Variants in CDC42SE1 observed in about 807,000 individuals in gnomAD.
CDC42SE1 encodes the protein CDC42 small effector 1, also known as CDC42 small effector protein 1.
In CDC42SE1, 10 loss-of-function variants were observed where a neutral mutation model predicts 10.9. The ratio of observed to expected loss-of-function variants is 0.92; its 90% CI spans 0.57 to 1.56. CDC42SE1 has a LOEUF of 1.56. Among genes scored for constraint, CDC42SE1 ranks in the 40% most tolerant of loss-of-function variants. The pLI is 0.00. For missense variants in CDC42SE1, 81 were observed against 100.8 expected (o/e 0.80, Z 0.84); for synonymous variants, 24 against 32.0 (o/e 0.75, Z 0.85).
At chr1:151,054,956 A>G (rs1037127303) in intron 3 of CDC42SE1, 60 bp downstream of exon 3, 7 of 1,256,842 alleles carry the variant, frequency 5.6e-6, no homozygotes, top group South Asian at 2.4e-5. Flanking sequence ...TGAACTTTCA[A>G]AAAGAGGGAA....
Position 151,055,126 on chromosome 1 carries a change from TCTG to T in CDC42SE1, c.55-3_55-1del. The T allele has an allele frequency of 6.2e-7, 1 of 1,608,790 alleles. No homozygotes were observed. The highest frequency in any genetic ancestry group is 2.2e-5 in the East Asian group (1 of 44,794). ...CGGTCAATCCGTCTTCTCTTCTTCT[TCTG>T]CTTGGAGAAGATAAGGAGTCATGTC... On this transcript the variant is annotated splice_acceptor_variant and splice_polypyrimidine_tract_variant and intron_variant, in intron 2 of 4. Coordinates refer to ENST00000357235, the MANE Select transcript of CDC42SE1 (RefSeq NM_020239.4). LOFTEE classifies it high-confidence loss of function.
intron 1 of CDC42SE1, chr1:151,056,635 GCA>G: frequency 6.6e-6 from 1 of 152,238 alleles, no homozygotes; most frequent in East Asian, 1.9e-4. Context: ...CCAGTCAGCA[GCA>G]GTTCCTTTAT....
chr1:151,051,761 G>A lies in CDC42SE1; in HGVS notation c.*1583C>T, dbSNP rs1191074950. The A allele has an allele frequency of 6.6e-6, 1 of 152,624 alleles. No homozygotes were observed. Among genetic ancestry groups the A allele is most frequent in the Non-Finnish European group, 1.5e-5 (1 of 68,062 alleles). 9.5% of individuals were successfully genotyped at this position (152,624 alleles called of 1,614,324 possible). A position where few individuals can be genotyped will look rare whatever the true frequency, so the allele number is the denominator to read the frequency against. ...TCAGACAAAACTCCCTGAGTCTAAT[G>A]TGTGTCTAGGACTAGGGCACAGAAA... is the stretch of plus-strand genomic sequence containing the variant. On this transcript the variant is annotated 3_prime_UTR_variant, in exon 5 of 5. Transcript: ENST00000357235.
At chr1:151,054,406 C>G (rs1478857309) in intron 3 of CDC42SE1, 85 bp from the exon 4 acceptor site, 2 of 1,036,898 alleles carry the variant, frequency 1.9e-6, no homozygotes, top group South Asian at 1.3e-5. Flanking sequence ...AGGGAAGAGG[C>G]TGACGCCATC....
rs1042150548 is a variant in CDC42SE1 at position 151,055,987 on chromosome 1, C to T, written c.-257G>A. 4.5e-5 allele frequency: 24 copies of T among 537,836 alleles called. No homozygotes were observed. Among genetic ancestry groups the T allele is most frequent in the Non-Finnish European group, 6.3e-5 (19 of 299,334 alleles). 33.3% of individuals were successfully genotyped at this position (537,836 alleles called of 1,614,324 possible). On this transcript the variant is annotated 5_prime_UTR_variant, in exon 2 of 5. Transcript: ENST00000357235. ...CACAAGGTTATGTCTTCCTCAGACT[C>T]GGAACCCTGGATTAGAAGAAAGTAA... is the stretch of plus-strand genomic sequence containing the variant.
In CDC42SE1 at chr1:151,057,213, C is replaced by T. The variant is rs1676295431; in HGVS notation, c.-263-1220G>A. 1.3e-5 allele frequency among the ~76,000 whole-genome samples: 2 copies of T among 152,184 alleles called. No individual in the cohort carries two copies. Among genetic ancestry groups the T allele is most frequent in the South Asian group, 4.1e-4 (2 of 4,828 alleles). ...GCCGGGAACCCTGATGCTTTGGCAC[C>T]CTAGACTGATTTAAAAACAAGAGAT... On this transcript the variant is annotated intron_variant, in intron 1 of 4. Coordinates refer to ENST00000357235, the MANE Select transcript of CDC42SE1 (RefSeq NM_020239.4). This position sits in a 1 kb window ranked among gnomAD's most constrained non-coding sequence, Gnocchi z 4.0.
intron 1 of CDC42SE1, 106 bp from the exon 2 acceptor site, chr1:151,056,099 G>A: frequency 3.3e-6 from 1 of 304,606 alleles, no homozygotes; most frequent in Non-Finnish European, 6.4e-6. Context: ...CTCCCTGAGA[G>A]GCCCTAGACC....
rs920891841 is a variant in CDC42SE1 at position 151,057,114 on chromosome 1, C to G, written c.-263-1121G>C. On this transcript the variant is annotated intron_variant, in intron 1 of 4. Coordinates refer to ENST00000357235, the MANE Select transcript of CDC42SE1 (RefSeq NM_020239.4). This position sits in a 1 kb window ranked among gnomAD's most constrained non-coding sequence, Gnocchi z 4.0. ...TTCCCCAGTCCTATAGTACAGACAA[C>G]CTCAAAGATTCCAAAAAGGGCAGTT... Among the ~76,000 whole-genome samples the G allele has an allele frequency of 1.3e-5, 2 of 152,210 alleles. No homozygotes were observed. Among genetic ancestry groups the G allele is most frequent in the African/African-American group, 2.4e-5 (1 of 41,450 alleles).
At chr1:151,056,156 C>CT (rs1012417919) in intron 1 of CDC42SE1, among the ~76,000 whole-genome samples, 163 bp from the exon 2 acceptor site, 1 of 151,944 alleles carries the variant, frequency 6.6e-6, no homozygotes, top group Non-Finnish European at 1.5e-5. Flanking sequence ...CAGTTTGACT[C>CT]TAAAAAAAAG....
chr1:151,055,745 C>G lies in CDC42SE1; in HGVS notation c.-15G>C. On this transcript the variant is annotated 5_prime_UTR_variant, in exon 2 of 5. Coordinates refer to ENST00000357235, the MANE Select transcript of CDC42SE1 (RefSeq NM_020239.4). The stretch of plus-strand genomic sequence containing the variant: ...AATTCACTCATGTTCCCTGATGGTT[C>G]CAGCTTCACTCCGCTGTCTGAGGCC... 1 of 1,610,542 alleles carries G rather than the reference C, an allele frequency of 6.2e-7. No individual in the cohort carries two copies.
At chr1:151,059,452 G>A (rs1676359787) in intron 1 of CDC42SE1, 27 bp downstream of exon 1, 3 of 152,962 alleles carry the variant, frequency 2.0e-5, no homozygotes, top group Non-Finnish European at 4.4e-5. Context: ...CGGCAGGCGG[G>A]CCAGGGGACC....
intron 1 of CDC42SE1, among the ~76,000 whole-genome samples, chr1:151,056,301 T>C (rs78871050): frequency 0.011 from 1,631 of 152,034 alleles, 30 homozygotes; most frequent in African/African-American, 0.037. Flanking sequence ...TTAGCAAAGT[T>C]TGGGGTGATA....
chr1:151,056,214 G>T (rs1676274890), intron 1 of CDC42SE1, among the ~76,000 whole-genome samples: 2 of 152,168 alleles, frequency 1.3e-5, no homozygotes, highest in African/African-American at 4.8e-5. Flanking sequence ...GTGGCTGGTG[G>T]TACCAAGGGA....
chr1:151,055,150 A>G, intron 2 of CDC42SE1, 24 bp from the exon 3 acceptor site: 1 of 1,550,198 alleles, frequency 6.5e-7, no homozygotes, highest in Non-Finnish European at 8.9e-7. Context: ...ATAAGGAGTC[A>G]TGTCTTAAGG....
At chr1:151,058,131 G>A (rs1571853606) in intron 1 of CDC42SE1, 2 of 152,832 alleles carry the variant, frequency 1.3e-5, no homozygotes. Flanking sequence ...AGAGGGGGAG[G>A]AGAAGGAGAG....
rs1676213982 is a variant in CDC42SE1 at position 151,053,139 on chromosome 1, C to T, written c.*205G>A. The T allele has an allele frequency of 6.5e-6, 1 of 152,746 alleles. No individual in the cohort carries two copies. The highest frequency in any genetic ancestry group is 6.5e-5 in the Admixed American group (1 of 15,278). 9.5% of individuals were successfully genotyped at this position (152,746 alleles called of 1,614,324 possible). Reference sequence around the variant, plus strand: ...GTAGTCACTTGATCAGTCCTGCTGCCTTGACCCCATCTCCAGGAGGGGCTA... The same window carrying T: ...GTAGTCACTTGATCAGTCCTGCTGCTTTGACCCCATCTCCAGGAGGGGCTA... On this transcript the variant is annotated 3_prime_UTR_variant, in exon 5 of 5. Coordinates refer to ENST00000357235, the MANE Select transcript of CDC42SE1 (RefSeq NM_020239.4).
In CDC42SE1 at chr1:151,054,335, G is replaced by A; in HGVS notation, c.166-14C>T. ...AACTGCACCTGTCTGTAAAAAAACAGATGCGAGACACCTTCGTAAGTCTTC... is the reference window on the plus strand; with the variant it reads ...AACTGCACCTGTCTGTAAAAAAACAAATGCGAGACACCTTCGTAAGTCTTC... On this transcript the variant is annotated splice_polypyrimidine_tract_variant and intron_variant, in intron 3 of 4. Transcript: ENST00000357235. The A allele has an allele frequency of 6.2e-7, 1 of 1,604,612 alleles. No homozygotes were observed. Among genetic ancestry groups the A allele is most frequent in the Non-Finnish European group, 8.5e-7 (1 of 1,171,634 alleles).
At position 151,057,792 on chromosome 1, in the gene CDC42SE1, A is replaced by G. The variant is rs1350446680; in HGVS notation, c.-264+1687T>C. The G allele has an allele frequency of 6.6e-6, 1 of 151,972 alleles. No individual in the cohort carries two copies. The highest frequency in any genetic ancestry group is 2.4e-5 in the African/African-American group (1 of 41,270). 9.4% of individuals were successfully genotyped at this position (151,972 alleles called of 1,614,324 possible). A position where few individuals can be genotyped will look rare whatever the true frequency, so the allele number is the denominator to read the frequency against. On this transcript the variant is annotated intron_variant, in intron 1 of 4. Transcript: ENST00000357235. This position sits in a 1 kb window ranked among gnomAD's most constrained non-coding sequence, Gnocchi z 4.0. The stretch of plus-strand genomic sequence containing the variant: ...GAGATGAGATCACACAAACACTCAA[A>G]TGTAGCTTCTAGGGGAGGGGAGAAC...
chr1:151,051,519 A>G lies in CDC42SE1; in HGVS notation c.*1825T>C, dbSNP rs1228475423. 6.6e-6 allele frequency: 1 copy of G among 152,568 alleles called. No individual in the cohort carries two copies. Among genetic ancestry groups the G allele is most frequent in the Admixed American group, 6.6e-5 (1 of 15,224 alleles). 9.5% of individuals were successfully genotyped at this position (152,568 alleles called of 1,614,324 possible). ...CTACATTCCTGACCCCACTACCATA[A>G]AACAGGATGTTTCCTGTTGCAAAGC... On this transcript the variant is annotated 3_prime_UTR_variant, in exon 5 of 5. Coordinates refer to ENST00000357235, the MANE Select transcript of CDC42SE1 (RefSeq NM_020239.4).
Sources: allele counts gnomAD v4.1 joint callset (sites outside exome capture counted in the v4.1 genomes callset), GRCh38; gene constraint gnomAD v4.1.1; non-coding constraint Gnocchi (gnomAD v3.1); transcripts MANE v1.5; gene names NCBI Gene and HGNC (gene_info 2026-07-23, HGNC 2026-07-21).